Variants in FBXL5 observed in about 807,000 individuals in gnomAD.
FBXL5 encodes the protein F-box and leucine rich repeat protein 5, also known as F-box/LRR-repeat protein 5.
Under a neutral mutation model 78.3 loss-of-function variants are expected in FBXL5, and 26 were observed. The observed-to-expected ratio is 0.33, with a 90% CI of 0.24 to 0.46. The LOEUF (loss-of-function observed/expected upper bound fraction) is 0.46, where lower values mean the gene tolerates loss of function less well. FBXL5 is among the 20% of genes least tolerant of loss of function. The pLI is 1.00. For synonymous variants in FBXL5, 295 were observed against 282.5 expected (o/e 1.04, Z -0.45); for missense variants, 710 against 829.2 (o/e 0.86, Z 1.77).
intron 6 of FBXL5, 126 bp downstream of exon 6, chr4:15,630,540 T>G (rs1252912469): frequency 1.3e-6 from 1 of 784,914 alleles, no homozygotes; most frequent in African/African-American, 1.8e-5. Context: ...TAAAAAGTAG[T>G]AGGCTTAGAA....
At chr4:15,617,153 G>C (rs1560212974) in intron 9 of FBXL5, among the ~76,000 whole-genome samples, 1 of 152,140 alleles carries the variant, frequency 6.6e-6, no homozygotes, top group Non-Finnish European at 1.5e-5. Context: ...CTATTATAAA[G>C]ACATATGCAT....
intron 1 of FBXL5, among the ~76,000 whole-genome samples, chr4:15,670,958 C>G (rs945550688): frequency 8.9e-6 from 1 of 111,840 alleles, no homozygotes; most frequent in South Asian, 3.2e-4. Flanking sequence ...GAGTCTCACT[C>G]TGTTGCCCAG....
chr4:15,630,217 ACTT>A (rs940710585), intron 6 of FBXL5, among the ~76,000 whole-genome samples: 114 of 152,290 alleles, frequency 7.5e-4, no homozygotes, highest in African/African-American at 2.6e-3. Context: ...TATGTATATT[ACTT>A]CTTAATTCTA....
intron 9 of FBXL5, among the ~76,000 whole-genome samples, chr4:15,622,332 C>T (rs10008376): frequency 0.63 from 96,095 of 152,054 alleles, 30,476 homozygotes; most frequent in Non-Finnish European, 0.65. Context: ...GTTGTACTTA[C>T]TGTAACTGGT....
intron 1 of FBXL5, among the ~76,000 whole-genome samples, chr4:15,666,024 A>T (rs13105439): frequency 0.4 from 39,407 of 99,612 alleles, 5,205 homozygotes; most frequent in East Asian, 0.52. Context: ...ACCTTTTTTT[A>T]AAAAAAAAAA....
intron 8 of FBXL5, among the ~76,000 whole-genome samples, chr4:15,626,481 G>A (rs1307604781): frequency 6.6e-6 from 1 of 152,198 alleles, no homozygotes; most frequent in African/African-American, 2.4e-5. Context: ...GATATACTCT[G>A]GGAAGAAGGT....
chr4:15,673,083 G>C (rs1717832464), intron 1 of FBXL5, among the ~76,000 whole-genome samples: 1 of 152,108 alleles, frequency 6.6e-6, no homozygotes, highest in Admixed American at 6.5e-5. Context: ...TACTTTGAAG[G>C]ATCTGTCTGA....
intron 1 of FBXL5, among the ~76,000 whole-genome samples, chr4:15,666,737 C>T (rs892588303): frequency 6.6e-6 from 1 of 151,942 alleles, no homozygotes; most frequent in Non-Finnish European, 1.5e-5. Context: ...GAGGCTGAGG[C>T]TTGAGCCTGG....
chr4:15,614,854 C>G (rs1711610264), intron 9 of FBXL5, among the ~76,000 whole-genome samples: 1 of 152,174 alleles, frequency 6.6e-6, no homozygotes, highest in Non-Finnish European at 1.5e-5. Flanking sequence ...ACTGTGGGAG[C>G]CCCTTTCTGG....
In FBXL5 at chr4:15,635,052, C is replaced by T. The variant is rs146848109; in HGVS notation, c.766+1442G>A. On this transcript the variant is annotated intron_variant, in intron 5 of 10. Transcript: ENST00000341285. ...CTTATTTTAAAAGTACTATACGTGGCCGGGCACGGTGGCTCAAGCCCGTAA... is the reference window on the plus strand; with the variant it reads ...CTTATTTTAAAAGTACTATACGTGGTCGGGCACGGTGGCTCAAGCCCGTAA... Among the ~76,000 whole-genome samples, 602 of 152,226 alleles carry T rather than the reference C, an allele frequency of 4.0e-3. 6 individuals are homozygous for T. The highest frequency in any genetic ancestry group is 0.014 in the African/African-American group (575 of 41,526).
Position 15,625,400 on chromosome 4 carries a change from C to T in FBXL5, c.1702G>A (p.Ala568Thr). 1 of 1,614,136 alleles carries T rather than the reference C, an allele frequency of 6.2e-7. No individual in the cohort carries two copies. The highest frequency in any genetic ancestry group is 8.5e-7 in the Non-Finnish European group (1 of 1,180,026). Residue 568 changes from alanine to threonine, a missense_variant, in exon 9 of 11, where the codon GCA becomes ACA. By Grantham distance (58) the Ala-to-Thr change is moderately conservative. Transcript: ENST00000341285. ...GTCCTTGCTGCTTTTCTACACATTG[C>T]AGAAGATTCTGGGAGTGATGACATA... is the stretch of plus-strand genomic sequence containing the variant. ...RTMSSLPESS[A>T]MCRKAARTRL...
At chr4:15,645,621 G>T (rs1278939498) in intron 1 of FBXL5, among the ~76,000 whole-genome samples, 1 of 152,058 alleles carries the variant, frequency 6.6e-6, no homozygotes, top group East Asian at 1.9e-4. Context: ...CAGAGATGGG[G>T]TTTCACCATC....
upstream of FBXL5, among the ~76,000 whole-genome samples, chr4:15,660,089 T>A (rs1011536222): frequency 1.3e-5 from 2 of 152,064 alleles, no homozygotes; most frequent in Non-Finnish European, 1.5e-5. Context: ...GACATTTTTT[T>A]TTTTTTTTAA....
intron 9 of FBXL5, among the ~76,000 whole-genome samples, chr4:15,619,313 G>A (rs1712237561): frequency 1.3e-5 from 2 of 152,156 alleles, no homozygotes; most frequent in South Asian, 4.1e-4. Flanking sequence ...GCTAATACCA[G>A]TAAACTGAGT....
intron 1 of FBXL5, among the ~76,000 whole-genome samples, chr4:15,670,487 G>T (rs1577516229): frequency 6.6e-6 from 1 of 152,194 alleles, no homozygotes; most frequent in East Asian, 1.9e-4. Flanking sequence ...ACCTATTTGG[G>T]TTTTTTACAT....
chr4:15,630,958 G>C (rs1173838819), intron 5 of FBXL5, among the ~76,000 whole-genome samples, 167 bp from the exon 6 acceptor site: 1 of 152,076 alleles, frequency 6.6e-6, no homozygotes, highest in African/African-American at 2.4e-5. Context: ...CGGTACATGT[G>C]CACAACGTGC....
chr4:15,618,702 C>T (rs971760463), intron 9 of FBXL5, among the ~76,000 whole-genome samples: 18 of 152,074 alleles, frequency 1.2e-4, no homozygotes, highest in African/African-American at 2.7e-4. Context: ...ATTAGCTGGG[C>T]GTGGTGGCAC....
upstream of FBXL5, among the ~76,000 whole-genome samples, chr4:15,661,849 A>AGT (rs1253290955): frequency 1.3e-5 from 2 of 152,228 alleles, no homozygotes; most frequent in African/African-American, 4.8e-5. Flanking sequence ...ATCCGATGAC[A>AGT]TAACCTAGGA....
chr4:15,658,261 C>T (rs1577503000), upstream of FBXL5, among the ~76,000 whole-genome samples: 1 of 152,244 alleles, frequency 6.6e-6, no homozygotes, highest in South Asian at 2.1e-4. Context: ...CAGTTGGAAT[C>T]ATAGTCCTCA....
Sources: allele counts gnomAD v4.1 joint callset (sites outside exome capture counted in the v4.1 genomes callset), GRCh38; gene constraint gnomAD v4.1.1; transcripts MANE v1.5; gene names NCBI Gene and HGNC (gene_info 2026-07-23, HGNC 2026-07-21).